Variants in RPN2 observed in about 807,000 individuals in gnomAD.
The protein encoded by RPN2 is dolichyl-diphosphooligosaccharide--protein glycosyltransferase subunit 2.
RPN2 carries 29 observed loss-of-function variants against 71.4 expected under a neutral mutation model. The ratio of observed to expected loss-of-function variants is 0.41; its 90% CI spans 0.30 to 0.55. RPN2 has a LOEUF of 0.55. RPN2 is among the 20% of genes least tolerant of loss of function. The pLI is 0.35. For missense variants in RPN2, 726 were observed against 774.1 expected (o/e 0.94, Z 0.74); for synonymous variants, 308 against 305.0 (o/e 1.01, Z -0.10).
chr20:37,236,381 C>CTGGCCACACACT (rs1450080474), intron 15 of RPN2, among the ~76,000 whole-genome samples, 199 bp from the exon 16 acceptor site: 2 of 152,234 alleles, frequency 1.3e-5, no homozygotes, highest in Non-Finnish European at 2.9e-5. Flanking sequence ...GCCACTGTGC[C>CTGGCCACACACT]TGGCCACACA....
At chr20:37,211,731 A>T (rs977011084) in intron 8 of RPN2, among the ~76,000 whole-genome samples, 2 of 145,992 alleles carry the variant, frequency 1.4e-5, no homozygotes, top group East Asian at 4.0e-4. Context: ...TTCTTTTACA[A>T]TTTTTTTTTT....
intron 16 of RPN2, chr20:37,238,343 C>T (rs1052783451): frequency 6.8e-6 from 9 of 1,322,934 alleles, no homozygotes; most frequent in Non-Finnish European, 8.6e-6. Flanking sequence ...TTTCTTTCCT[C>T]AGCTGATTTC....
rs749407227 is a variant in RPN2 at position 37,228,629 on chromosome 20, A to G, written c.1379A>G (p.Lys460Arg). Residue 460 changes from lysine (K) to arginine (R), a missense_variant, in exon 12 of 17, where the codon AAG becomes AGG. Lys to Arg is a conservative substitution (Grantham distance 26). Coordinates refer to ENST00000237530, the MANE Select transcript of RPN2 (RefSeq NM_002951.5). ...GAGCCAGACAACAAGAACGTGTACA[A>G]GTTTGAACTGGATACCTCTGAAAGA... ...VAEPDNKNVYKFELDTSERKI... is the reference protein window; with the variant it reads ...VAEPDNKNVYRFELDTSERKI... The G allele has an allele frequency of 2.5e-6, 4 of 1,614,124 alleles. No individual in the cohort carries two copies. Among genetic ancestry groups the G allele is most frequent in the Non-Finnish European group, 3.4e-6 (4 of 1,180,038 alleles).
At position 37,236,935 on chromosome 20, in the gene RPN2, A is replaced by G. The variant is rs572984818; in HGVS notation, c.1883+226A>G. Reference sequence around the variant, plus strand: ...CCATTGTAATTGATGCCCCAATACAATAGAATGAGAGAGGAAAATTATTAG... The same window carrying G: ...CCATTGTAATTGATGCCCCAATACAGTAGAATGAGAGAGGAAAATTATTAG... On this transcript the variant is annotated intron_variant, in intron 16 of 16. Transcript: ENST00000237530. 2.0e-4 allele frequency among the ~76,000 whole-genome samples: 26 copies of G among 127,260 alleles called. No homozygotes were observed. In the South Asian group the frequency reaches 2.7e-3, roughly 13 times the overall value. 83.5% of individuals were successfully genotyped at this position (127,260 alleles called of 152,430 possible).
intron 7 of RPN2, among the ~76,000 whole-genome samples, chr20:37,208,450 C>T (rs930418467): frequency 6.6e-6 from 1 of 152,026 alleles, no homozygotes; most frequent in African/African-American, 2.4e-5. Context: ...CGCTATGTCG[C>T]GCAGGCTGGA....
At chr20:37,225,922 G>A (rs1236320020) in intron 11 of RPN2, 120 bp downstream of exon 11, 6 of 751,866 alleles carry the variant, frequency 8.0e-6, no homozygotes, top group African/African-American at 6.9e-5. Context: ...GGTTTTGACC[G>A]AACCCTGACA....
At chr20:37,189,091 G>A (rs1009748690) in intron 2 of RPN2, among the ~76,000 whole-genome samples, 6 of 151,984 alleles carry the variant, frequency 3.9e-5, no homozygotes, top group Non-Finnish European at 7.4e-5. Flanking sequence ...TCTCCACCAC[G>A]CCTGGCTAAT....
At chr20:37,222,161 T>G (rs1463251462) in intron 9 of RPN2, among the ~76,000 whole-genome samples, 1 of 152,192 alleles carries the variant, frequency 6.6e-6, no homozygotes, top group African/African-American at 2.4e-5. Flanking sequence ...GTAACGCTGT[T>G]AACTCAGCAG....
chr20:37,218,943 T>G (rs1033150874), intron 9 of RPN2, among the ~76,000 whole-genome samples: 1 of 152,248 alleles, frequency 6.6e-6, no homozygotes, highest in African/African-American at 2.4e-5. Flanking sequence ...ATTTGAGGTA[T>G]TTCTCTTTTT....
chr20:37,229,819 T>C lies in RPN2; in HGVS notation c.1495-154T>C. On this transcript the variant is annotated intron_variant, in intron 12 of 16. Coordinates refer to ENST00000237530, the MANE Select transcript of RPN2 (RefSeq NM_002951.5). ...CTTGTTTTGTTCTTAAAGTTTTTAC[T>C]GCCTCAATTTGTCAGCTAATGGATC... 4.4e-6 allele frequency: 3 copies of C among 688,744 alleles called. No individual in the cohort carries two copies. The South Asian group carries it at 4.7e-5, about 11-fold the overall frequency. The allele number at this position is 688,744 out of a possible 1,614,324, so 42.7% of individuals were successfully genotyped here.
At chr20:37,229,755 A>G (rs1286681649) in intron 12 of RPN2, 7 of 597,062 alleles carry the variant, frequency 1.2e-5, no homozygotes, top group East Asian at 2.9e-5. Context: ...ACCAGCAGAA[A>G]ATTAGAAGTC....
intron 13 of RPN2, 122 bp from the exon 14 acceptor site, chr20:37,232,166 CCAAGAGGT>C: frequency 8.8e-7 from 1 of 1,130,702 alleles, no homozygotes; most frequent in East Asian, 2.4e-5. Context: ...CCACTTGTTG[CCAAGAGGT>C]TTTAGCCTCT....
rs574987604 is a variant in RPN2, at chr20:37,232,335, G to A, written c.1621G>A (p.Val541Met). ...GCCTGAGAAGAGGCCCCCCACCGTG[G>A]TGTCCAATACATTCACTGCCCTGAT... ...REPEKRPPTV[V>M]SNTFTALILS... Residue 541 changes from valine (V) to methionine (M), a missense_variant, in exon 14 of 17, where the codon GTG becomes ATG. Physicochemically the swap from Val to Met is conservative, Grantham distance 21 (BLOSUM62 1). Transcript: ENST00000237530. 9.3e-6 allele frequency: 15 copies of A among 1,614,214 alleles called. No homozygotes were observed. In the South Asian group the frequency reaches 1.6e-4, roughly 18 times the overall value.
intron 16 of RPN2, chr20:37,238,551 C>T: frequency 1.2e-6 from 1 of 804,700 alleles, no homozygotes; most frequent in Non-Finnish European, 2.2e-6. Context: ...CCACTTGCTC[C>T]TCCCACCCCT....
At chr20:37,206,501 C>T (rs2067511876) in intron 6 of RPN2, among the ~76,000 whole-genome samples, 1 of 152,074 alleles carries the variant, frequency 6.6e-6, no homozygotes, top group Non-Finnish European at 1.5e-5. Context: ...ATTTAGCCTC[C>T]TTTAGCCTCA....
intron 13 of RPN2, among the ~76,000 whole-genome samples, chr20:37,231,041 C>G (rs908003304): frequency 6.6e-6 from 1 of 151,718 alleles, no homozygotes; most frequent in East Asian, 1.9e-4. Flanking sequence ...CAAGTTGATA[C>G]GTTGGAGGAA....
chr20:37,196,155 G>C (rs1250554810), intron 2 of RPN2, among the ~76,000 whole-genome samples: 8 of 151,914 alleles, frequency 5.3e-5, no homozygotes, highest in Admixed American at 1.3e-4. Flanking sequence ...TGCCTCCCGG[G>C]TTCAAGGGAT....
chr20:37,230,497 G>T (rs996759248), intron 13 of RPN2, among the ~76,000 whole-genome samples: 1 of 152,196 alleles, frequency 6.6e-6, no homozygotes, highest in African/African-American at 2.4e-5. Context: ...TGTCCTGCAC[G>T]CAGGACTGTT....
Position 37,202,436 on chromosome 20 carries a change from T to C in RPN2, c.480-1449T>C, listed in dbSNP as rs138889065. On this transcript the variant is annotated intron_variant, in intron 4 of 16. Coordinates refer to ENST00000237530, the MANE Select transcript of RPN2 (RefSeq NM_002951.5). ...GACATAAGCAGACAGATTCTTGCTC[T>C]ACATTCCCTGACATATTGACTTGAT... is the stretch of plus-strand genomic sequence containing the variant. 4.9e-4 allele frequency among the ~76,000 whole-genome samples: 75 copies of C among 152,342 alleles called. 1 individual carries two copies. The East Asian group carries it at 0.014, about 29-fold the overall frequency.
Sources: allele counts gnomAD v4.1 joint callset (sites outside exome capture counted in the v4.1 genomes callset), GRCh38; gene constraint gnomAD v4.1.1; transcripts MANE v1.5; gene names NCBI Gene and HGNC (gene_info 2026-07-23, HGNC 2026-07-21).